The following TBC1D2 variants were observed in gnomAD, a reference collection of about 807,000 sequenced individuals.
TBC1D2 encodes the protein TBC1 domain family member 2.
TBC1D2 carries 58 observed loss-of-function variants against 91.1 expected under a neutral mutation model. The observed-to-expected ratio is 0.64, with a 90% CI of 0.52 to 0.79. TBC1D2 has a LOEUF of 0.79. TBC1D2 is among the 30% of genes least tolerant of loss of function. The pLI is 0.00. For synonymous variants in TBC1D2, 482 were observed against 511.5 expected (o/e 0.94, Z 0.78); for missense variants, 1,080 against 1,208.3 (o/e 0.89, Z 1.57).
At chr9:98,199,632 G>T (rs1234298090) in intron 12 of TBC1D2, 44 bp from the exon 13 acceptor site, 2 of 1,605,428 alleles carry the variant, frequency 1.2e-6, no homozygotes, top group Middle Eastern at 1.7e-4. Flanking sequence ...CACCCCACCT[G>T]GCCGGCGTTT....
At chr9:98,235,395 G>T in intron 3 of TBC1D2, 1 of 475,714 alleles carries the variant, frequency 2.1e-6, no homozygotes, top group South Asian at 1.6e-5. Context: ...CTAGTACTTG[G>T]AAGCAAGAGA....
chr9:98,199,668 C>G, intron 12 of TBC1D2, 80 bp from the exon 13 acceptor site: 1 of 1,471,394 alleles, frequency 6.8e-7, no homozygotes, highest in South Asian at 1.2e-5. Flanking sequence ...ACAGACATCC[C>G]CGCATTCCTT....
At chr9:98,235,479 T>C (rs1433965161) in intron 3 of TBC1D2, 1 of 458,552 alleles carries the variant, frequency 2.2e-6, no homozygotes, top group African/African-American at 2.0e-5. Context: ...GATAAAGAAA[T>C]GTGCTACTAT....
chr9:98,199,374 G>A lies in TBC1D2; in HGVS notation c.*7C>T. ...GAGGAAGGCTGTGGGGAGGGGAGGT[G>A]GCCAAGTCAGGCTTCCCCCTCCACC... On this transcript the variant is annotated 3_prime_UTR_variant, in exon 13 of 13. Transcript: ENST00000465784. 1 of 1,612,430 alleles carries A rather than the reference G, an allele frequency of 6.2e-7. No individual in the cohort carries two copies. The highest frequency in any genetic ancestry group is 8.5e-7 in the Non-Finnish European group (1 of 1,179,872).
intron 5 of TBC1D2, among the ~76,000 whole-genome samples, chr9:98,227,939 A>C (rs1829275308): frequency 6.6e-6 from 1 of 152,186 alleles, no homozygotes; most frequent in Non-Finnish European, 1.5e-5. Context: ...ATTTCTTCCC[A>C]CCAAAATAGG....
chr9:98,251,460 GCATTGTTCTAAC>G (rs1466024174), intron 2 of TBC1D2, among the ~76,000 whole-genome samples: 7 of 152,144 alleles, frequency 4.6e-5, no homozygotes, highest in African/African-American at 9.7e-5. Flanking sequence ...CCATGTGCAG[GCATTGTTCTAAC>G]CATTTTAGGT....
intron 3 of TBC1D2, among the ~76,000 whole-genome samples, chr9:98,233,990 A>G (rs1829440237): frequency 6.6e-6 from 1 of 152,172 alleles, no homozygotes. Context: ...TTTCATAACT[A>G]TCTGGCTCAA....
chr9:98,199,967 G>A (rs573311510), intron 12 of TBC1D2, among the ~76,000 whole-genome samples: 2 of 152,314 alleles, frequency 1.3e-5, no homozygotes, highest in East Asian at 3.9e-4. Flanking sequence ...CAAAGGTGGG[G>A]TTGTCCTAGG....
At chr9:98,201,400 T>A in intron 11 of TBC1D2, 79 bp downstream of exon 11, 2 of 1,350,970 alleles carry the variant, frequency 1.5e-6, no homozygotes, top group Non-Finnish European at 2.1e-6. Context: ...CTTCCCATTC[T>A]CCAGGGGCAG....
chr9:98,231,889 C>T (rs145420541), intron 4 of TBC1D2, among the ~76,000 whole-genome samples: 1 of 152,268 alleles, frequency 6.6e-6, no homozygotes, highest in East Asian at 1.9e-4. Context: ...AAGCCAGTCA[C>T]AGCATGGTAT....
chr9:98,213,432 G>A, intron 6 of TBC1D2: 1 of 1,360,542 alleles, frequency 7.4e-7, no homozygotes, highest in Non-Finnish European at 9.5e-7. Context: ...CAGTAGGTCT[G>A]AATTTAAGTC....
At chr9:98,240,530 G>A (rs1829613321) in intron 3 of TBC1D2, among the ~76,000 whole-genome samples, 1 of 152,180 alleles carries the variant, frequency 6.6e-6, no homozygotes, top group Non-Finnish European at 1.5e-5. Context: ...GCTGAGCCCT[G>A]TTACATGGAT....
chr9:98,254,273 C>T (rs1318979445), intron 1 of TBC1D2, among the ~76,000 whole-genome samples: 1 of 151,472 alleles, frequency 6.6e-6, no homozygotes, highest in African/African-American at 2.5e-5. Flanking sequence ...AGTTATGGGA[C>T]ACCTCCTCTT....
intron 1 of TBC1D2, among the ~76,000 whole-genome samples, chr9:98,253,815 G>A (rs1394458237): frequency 6.6e-6 from 1 of 152,136 alleles, no homozygotes; most frequent in East Asian, 1.9e-4. Flanking sequence ...GAACATTTCA[G>A]GGTGCATGCA....
intron 5 of TBC1D2, among the ~76,000 whole-genome samples, chr9:98,225,248 T>G (rs1312393336): frequency 6.6e-6 from 1 of 152,008 alleles, no homozygotes; most frequent in African/African-American, 2.4e-5. Flanking sequence ...CTGGGTGGAG[T>G]TCTGTCAACT....
intron 11 of TBC1D2, 94 bp downstream of exon 11, chr9:98,201,385 A>T (rs917610195): frequency 3.2e-5 from 38 of 1,196,792 alleles, no homozygotes; most frequent in Non-Finnish European, 4.1e-5. Flanking sequence ...ACAAGTAAGC[A>T]TTGTCTTCCC....
chr9:98,199,415 C>A lies in TBC1D2; in HGVS notation c.2753G>T (p.Cys918Phe), dbSNP rs1564227272. 2 of 1,613,758 alleles carry A rather than the reference C, an allele frequency of 1.2e-6. No homozygotes were observed. The highest frequency in any genetic ancestry group is 1.7e-6 in the Non-Finnish European group (2 of 1,179,978). ...ASRRRAVSEG[C>F]ASEDEVEGEA ...CCCCTCCACCTCGTCCTCGCTGGCA[C>A]AGCCCTCGGACACAGCTCTGCGCCG... The change falls in exon 13 of 13, where the codon TGT becomes TTT. Residue 918 changes from cysteine (C) to phenylalanine (F), a missense_variant. Cys to Phe is a radical substitution (Grantham distance 205). Coordinates refer to ENST00000465784, the MANE Select transcript of TBC1D2 (RefSeq NM_001267571.2).
rs752942045 is a variant in TBC1D2 at position 98,210,855 on chromosome 9, GA to G, written c.1486-13del. ...TGGAGGTAGGCGCACTGCAAACAGG[GA>G]AAGGCTGGTCAGGCTACCGGGTGGG... is the stretch of plus-strand genomic sequence containing the variant. On this transcript the variant is annotated splice_polypyrimidine_tract_variant and intron_variant, in intron 7 of 12. Coordinates refer to ENST00000465784, the MANE Select transcript of TBC1D2 (RefSeq NM_001267571.2). 25 of 1,549,168 alleles carry G rather than the reference GA, an allele frequency of 1.6e-5. No individual in the cohort carries two copies. The highest frequency in any genetic ancestry group is 2.2e-5 in the Non-Finnish European group (25 of 1,145,384).
intron 9 of TBC1D2, 42 bp downstream of exon 9, chr9:98,208,625 CA>C: frequency 6.6e-7 from 1 of 1,506,562 alleles, no homozygotes; most frequent in East Asian, 2.3e-5. Flanking sequence ...ACCTGCGCTC[CA>C]AAAGGTAAAG....
Sources: allele counts gnomAD v4.1 joint callset (sites outside exome capture counted in the v4.1 genomes callset), GRCh38; gene constraint gnomAD v4.1.1; transcripts MANE v1.5; gene names NCBI Gene and HGNC (gene_info 2026-07-23, HGNC 2026-07-21).